ZNF423: variants seen among roughly 807,000 people sequenced by gnomAD.
ZNF423 encodes the protein Ebf-associated zinc finger protein.
Under a neutral mutation model 95.8 loss-of-function variants are expected in ZNF423, and 12 were observed. That is an observed-to-expected ratio of 0.13 (90% confidence interval 0.08 to 0.20). The LOEUF is 0.20. Ranked by LOEUF, ZNF423 falls within the 10% of genes least tolerant of loss-of-function variation. The probability of loss-of-function intolerance (pLI) is 1.00; values close to 1 mark genes in which losing one functional copy is unlikely to be tolerated. For synonymous variants in ZNF423, 749 were observed against 711.9 expected (o/e 1.05, Z -0.83); for missense variants, 1,316 against 1,737.1 (o/e 0.76, Z 4.31).
rs766653789 is a variant in ZNF423, at chr16:49,638,081, G to C, written c.1095C>G (p.Pro365=). 4 of 1,613,664 alleles carry C rather than the reference G, an allele frequency of 2.5e-6. No homozygotes were observed. In the South Asian group the frequency reaches 3.3e-5, roughly 13 times the overall value. ...QPDSSNHSVS[P]DPVLGSVASM... ...AGGCCACGCTGCCCAGTACAGGGTC[G>C]GGACTGACACTGTGGTTGCTGGAGT... The change falls in exon 4 of 8, where the codon CCC becomes CCG. Residue 365 remains proline (P), a synonymous_variant. Coordinates refer to ENST00000563137, the MANE Select transcript of ZNF423 (RefSeq NM_001379286.1). This position sits in a 1 kb window ranked among gnomAD's most constrained non-coding sequence, Gnocchi z 5.6.
At chr16:49,772,450 T>C (rs1037367148) in intron 2 of ZNF423, among the ~76,000 whole-genome samples, 1 of 152,230 alleles carries the variant, frequency 6.6e-6, no homozygotes. Flanking sequence ...CCCAGTCATA[T>C]TGACACAGAA....
intron 2 of ZNF423, among the ~76,000 whole-genome samples, chr16:49,779,844 T>G (rs2034180402): frequency 6.6e-6 from 1 of 152,142 alleles, no homozygotes; most frequent in Non-Finnish European, 1.5e-5. Context: ...CTCCTTGTCT[T>G]TACAATCCTC....
intron 2 of ZNF423, among the ~76,000 whole-genome samples, chr16:49,785,960 A>G (rs1418689718): frequency 6.6e-6 from 1 of 152,246 alleles, no homozygotes; most frequent in Non-Finnish European, 1.5e-5. Flanking sequence ...GAATCCACAC[A>G]GTTCCACTGG....
chr16:49,786,566 G>T (rs1318785874), intron 2 of ZNF423, among the ~76,000 whole-genome samples: 1 of 152,226 alleles, frequency 6.6e-6, no homozygotes, highest in Non-Finnish European at 1.5e-5. Flanking sequence ...ATGCCCTGCA[G>T]CCACCAGGCC....
Position 49,758,400 on chromosome 16 carries a change from A to G in ZNF423, c.101-27429T>C, listed in dbSNP as rs147352800. On this transcript the variant is annotated intron_variant, in intron 2 of 7. Coordinates refer to ENST00000563137, the MANE Select transcript of ZNF423 (RefSeq NM_001379286.1). ...GTGATCCACCCCCCTCAGCCTCCCA[A>G]AGTATTGGGATTACAGGGGTGAGCC... Among the ~76,000 whole-genome samples the G allele has an allele frequency of 9.5e-3, 1,440 of 152,214 alleles. 28 individuals are homozygous for G. Among genetic ancestry groups the G allele is most frequent in the African/African-American group, 0.033 (1,372 of 41,536 alleles).
intron 7 of ZNF423, among the ~76,000 whole-genome samples, chr16:49,515,535 C>T (rs184109864): frequency 6.6e-6 from 1 of 152,334 alleles, no homozygotes; most frequent in African/African-American, 2.4e-5. Flanking sequence ...TTCTCAGAGC[C>T]TCAGTTTCTG....
In ZNF423 at chr16:49,490,862, C is replaced by T. The variant is rs530141592; in HGVS notation, c.*413G>A. 6.7e-4 allele frequency: 26 copies of T among 38,854 alleles called. 1 individual carries two copies. The East Asian group carries it at 9.1e-3, about 14-fold the overall frequency. 2.4% of individuals were successfully genotyped at this position (38,854 alleles called of 1,614,324 possible). ...GAATTGCAATTAAAAAGTAGTTAACCGAAGGGGGTGGGGGGTGGGGGGGAA... is the reference window on the plus strand; with the variant it reads ...GAATTGCAATTAAAAAGTAGTTAACTGAAGGGGGTGGGGGGTGGGGGGGAA... On this transcript the variant is annotated 3_prime_UTR_variant, in exon 8 of 8. Transcript: ENST00000563137.
At chr16:49,683,846 G>C (rs2031462611) in intron 3 of ZNF423, among the ~76,000 whole-genome samples, 1 of 152,222 alleles carries the variant, frequency 6.6e-6, no homozygotes, top group Non-Finnish European at 1.5e-5. Context: ...GGGAGGCTGA[G>C]GCAGGCAGAT....
At chr16:49,587,845 G>A (rs1306022476) in intron 5 of ZNF423, among the ~76,000 whole-genome samples, 1 of 152,104 alleles carries the variant, frequency 6.6e-6, no homozygotes, top group Non-Finnish European at 1.5e-5. Flanking sequence ...TTCTTCTGGT[G>A]AACTCTTATT....
intron 3 of ZNF423, among the ~76,000 whole-genome samples, chr16:49,646,971 A>G (rs1313321870): frequency 6.6e-6 from 1 of 152,188 alleles, no homozygotes; most frequent in Non-Finnish European, 1.5e-5. Context: ...ACCCCTTTTT[A>G]TAACTGTGCA....
At chr16:49,842,366 CAGGAAGGAAGGAAGGA>C (rs779305459) in intron 1 of ZNF423, among the ~76,000 whole-genome samples, 44 of 65,152 alleles carry the variant, frequency 6.8e-4, no homozygotes, top group African/African-American at 3.2e-3. Context: ...GGGAGAGAGA[CAGGAAGGAAGGAAGGA>C]AGGAAGGAAG....
chr16:49,603,571 A>G lies in ZNF423; in HGVS notation c.3601+22599T>C, dbSNP rs1971445750. 6.6e-6 allele frequency among the ~76,000 whole-genome samples: 1 copy of G among 152,020 alleles called. No individual in the cohort carries two copies. Among genetic ancestry groups the G allele is most frequent in the Non-Finnish European group, 1.5e-5 (1 of 68,014 alleles). ...ATTACAGGCGCCCGCCACCACGCCC[A>G]GCTAATTTTTGTGTTTTTAGTAGAG... On this transcript the variant is annotated intron_variant, in intron 5 of 7. Transcript: ENST00000563137. This position sits in a 1 kb window ranked among gnomAD's most constrained non-coding sequence, Gnocchi z 4.1.
intron 1 of ZNF423, among the ~76,000 whole-genome samples, chr16:49,839,841 C>T (rs2035164680): frequency 6.6e-6 from 1 of 152,188 alleles, no homozygotes; most frequent in Admixed American, 6.5e-5. Context: ...ACAAAGACCT[C>T]CAGGCCCCCA....
chr16:49,811,802 C>T (rs977316738), intron 1 of ZNF423, among the ~76,000 whole-genome samples: 2 of 151,844 alleles, frequency 1.3e-5, no homozygotes, highest in Middle Eastern at 3.4e-3. Context: ...CCCGCCTGAC[C>T]GCCCGCCTCA....
At chr16:49,513,892 T>C (rs1265104248) in intron 7 of ZNF423, among the ~76,000 whole-genome samples, 4 of 151,928 alleles carry the variant, frequency 2.6e-5, no homozygotes, top group Non-Finnish European at 5.9e-5. Context: ...GGGTACTTCC[T>C]GCAGGCAGAT....
At chr16:49,584,355 C>A (rs1406947188) in intron 5 of ZNF423, among the ~76,000 whole-genome samples, 6 of 152,196 alleles carry the variant, frequency 3.9e-5, no homozygotes, top group Non-Finnish European at 5.9e-5. Flanking sequence ...ACTGCCTACG[C>A]TTAGGGCATC....
intron 1 of ZNF423, among the ~76,000 whole-genome samples, chr16:49,812,689 A>C (rs944957191): frequency 2.0e-5 from 3 of 152,218 alleles, no homozygotes; most frequent in Admixed American, 6.5e-5. Flanking sequence ...CAGAAAACCT[A>C]AATAAATGAA....
chr16:49,586,465 C>T (rs1356079913), intron 5 of ZNF423, among the ~76,000 whole-genome samples: 1 of 152,208 alleles, frequency 6.6e-6, no homozygotes, highest in East Asian at 1.9e-4. Flanking sequence ...CCATTTTTTG[C>T]TAATAGTTAT....
At chr16:49,730,047 C>A (rs934870102) in intron 3 of ZNF423, among the ~76,000 whole-genome samples, 7 of 152,138 alleles carry the variant, frequency 4.6e-5, no homozygotes, top group Non-Finnish European at 8.8e-5. Context: ...TCTCAGAGCC[C>A]AGAAATGTGT....
Sources: gnomAD v4.1 joint callset for allele counts (sites outside exome capture counted in the v4.1 genomes callset) on GRCh38, gnomAD v4.1.1 for gene constraint, Gnocchi (gnomAD v3.1) non-coding constraint, MANE v1.5 for transcripts, NCBI Gene and HGNC (gene_info 2026-07-23, HGNC 2026-07-21) for gene names.